UHRF1: variants seen among roughly 807,000 people sequenced by gnomAD.
UHRF1 encodes ubiquitin like with PHD and ring finger domains 1.
In UHRF1, 9 loss-of-function variants were observed where a neutral mutation model predicts 96.5. The observed-to-expected ratio is 0.09, with a 90% CI of 0.06 to 0.16. The LOEUF (loss-of-function observed/expected upper bound fraction) is 0.16. Ranked by LOEUF, UHRF1 falls within the 10% of genes least tolerant of loss-of-function variation. The pLI, the probability that UHRF1 is intolerant of heterozygous loss-of-function variation, is 1.00. For missense variants in UHRF1, 626 were observed against 1,131.1 expected, an observed-to-expected ratio of 0.55 and a Z score of 6.40; for synonymous variants, 455 against 469.9, an observed-to-expected ratio of 0.97 and a Z score of 0.41.
chr19:4,935,784 CTT>C (rs1401765809), intron 5 of UHRF1, among the ~76,000 whole-genome samples: 1 of 152,112 alleles, frequency 6.6e-6, no homozygotes, highest in Non-Finnish European at 1.5e-5. Context: ...CCTGTCCATA[CTT>C]TTATGGGGAG....
chr19:4,924,453 T>G (rs262574), intron 2 of UHRF1, among the ~76,000 whole-genome samples: 2 of 152,164 alleles, frequency 1.3e-5, no homozygotes, highest in African/African-American at 4.8e-5. Context: ...CCGGCCAATT[T>G]TTGTATTTTT....
intron 5 of UHRF1, among the ~76,000 whole-genome samples, chr19:4,940,815 G>A (rs879639436): frequency 2.0e-5 from 3 of 149,644 alleles, no homozygotes; most frequent in South Asian, 4.3e-4. Context: ...TGGGATTACA[G>A]GTGCGCGCTA....
chr19:4,921,368 G>A (rs903706454), intron 2 of UHRF1, among the ~76,000 whole-genome samples: 5 of 152,122 alleles, frequency 3.3e-5, no homozygotes, highest in Non-Finnish European at 5.9e-5. Flanking sequence ...GAACCTGGGA[G>A]GCGGAGGTTG....
At chr19:4,943,497 C>CG (rs2033470190) in intron 7 of UHRF1, among the ~76,000 whole-genome samples, 2 of 138,568 alleles carry the variant, frequency 1.4e-5, no homozygotes, top group Non-Finnish European at 3.1e-5. Flanking sequence ...GTTGCCCTGC[C>CG]CCCCCTCCCC....
intron 6 of UHRF1, 26 bp downstream of exon 6, chr19:4,941,654 A>G (rs1442471988): frequency 1.9e-6 from 3 of 1,604,780 alleles, no homozygotes; most frequent in African/African-American, 1.3e-5. Flanking sequence ...GCCTTTCCCC[A>G]TCTTCCGCGG....
intron 2 of UHRF1, among the ~76,000 whole-genome samples, chr19:4,927,347 C>T (rs1214041437): frequency 1.4e-5 from 2 of 145,962 alleles, no homozygotes; most frequent in African/African-American, 2.6e-5. Flanking sequence ...CACCCCTACA[C>T]TCCACCCTGG....
chr19:4,925,770 C>G (rs530409971), intron 2 of UHRF1, among the ~76,000 whole-genome samples: 1 of 152,160 alleles, frequency 6.6e-6, no homozygotes, highest in African/African-American at 2.4e-5. Flanking sequence ...GATCTGCCCT[C>G]GTTGGCCTCC....
intron 7 of UHRF1, 82 bp from the exon 8 acceptor site, chr19:4,944,050 C>T: frequency 1.3e-6 from 2 of 1,574,148 alleles, no homozygotes; most frequent in Non-Finnish European, 1.7e-6. Context: ...AGAGCCATGT[C>T]CGTGGTGTGT....
intron 16 of UHRF1, 68 bp downstream of exon 16, chr19:4,956,881 C>A: frequency 9.2e-7 from 1 of 1,090,550 alleles, no homozygotes; most frequent in Non-Finnish European, 1.4e-6. Flanking sequence ...CCCGTTCCCA[C>A]ATGCCTGCCA....
chr19:4,959,036 G>T (rs1212542157), intron 16 of UHRF1, among the ~76,000 whole-genome samples: 1 of 151,426 alleles, frequency 6.6e-6, no homozygotes, highest in Non-Finnish European at 1.5e-5. Context: ...GGAGTGCAGT[G>T]GTGCCATCAT....
chr19:4,939,356 C>T (rs1036394272), intron 5 of UHRF1, among the ~76,000 whole-genome samples: 1 of 149,836 alleles, frequency 6.7e-6, no homozygotes, highest in African/African-American at 2.5e-5. Flanking sequence ...GCCACTATAC[C>T]CAGTCTTAGA....
In UHRF1 at chr19:4,944,184, C is replaced by T; in HGVS notation, c.1126C>T (p.Arg376Trp). ...CAGCGAGGTGGTACTGGCGGGAGAG[C>T]GGCTGAGAGAGAGCAAGAAGAAGGC... is the stretch of plus-strand genomic sequence containing the variant. The part of the protein sequence containing the change: ...DASEVVLAGE[R>W]LRESKKKAKM... The change falls in exon 8 of 17, where the codon CGG (arginine) becomes TGG (tryptophan). Residue 376 changes from arginine to tryptophan, a missense_variant. Physicochemically the swap from Arg to Trp is moderately radical, Grantham distance 101. Coordinates refer to ENST00000650932, the MANE Select transcript of UHRF1 (RefSeq NM_001048201.3). 1.9e-6 allele frequency: 3 copies of T among 1,613,230 alleles called. No individual in the cohort carries two copies. The highest frequency in any genetic ancestry group is 2.5e-6 in the Non-Finnish European group (3 of 1,179,586).
intron 10 of UHRF1, 37 bp from the exon 11 acceptor site, chr19:4,947,063 TGCCTC>T: frequency 2.1e-6 from 3 of 1,437,346 alleles, no homozygotes; most frequent in Non-Finnish European, 2.9e-6. Flanking sequence ...TTTTTTTTTT[TGCCTC>T]TGCAGAGGGT....
chr19:4,933,624 G>T (rs1224145305), intron 5 of UHRF1, among the ~76,000 whole-genome samples: 1 of 152,156 alleles, frequency 6.6e-6, no homozygotes, highest in Non-Finnish European at 1.5e-5. Context: ...TCCCTCCTCT[G>T]CCTGGTCACC....
intron 5 of UHRF1, among the ~76,000 whole-genome samples, chr19:4,937,559 TCTCC>T (rs879361622): frequency 4.6e-5 from 7 of 152,100 alleles, no homozygotes; most frequent in Non-Finnish European, 1.0e-4. Flanking sequence ...AGGTGGGGTT[TCTCC>T]ATGTTGGCCA....
intron 15 of UHRF1, among the ~76,000 whole-genome samples, chr19:4,956,080 A>C (rs888569291): frequency 1.8e-4 from 27 of 152,032 alleles, no homozygotes; most frequent in African/African-American, 4.8e-4. Flanking sequence ...GATTACAGGC[A>C]CCCACCACGC....
At chr19:4,905,277 C>T (rs201780541), upstream of UHRF1, among the ~76,000 whole-genome samples, 43 of 149,118 alleles carry the variant, frequency 2.9e-4, no homozygotes, top group East Asian at 7.0e-3. Flanking sequence ...CCACCATGCC[C>T]GGCTAATTTT....
intron 11 of UHRF1, among the ~76,000 whole-genome samples, chr19:4,949,662 T>G (rs2033665161): frequency 1.3e-5 from 2 of 151,934 alleles, no homozygotes; most frequent in Non-Finnish European, 2.9e-5. Context: ...TATGAAAAAT[T>G]AAAATTACAA....
At chr19:4,959,115 G>A (rs920730465) in intron 16 of UHRF1, among the ~76,000 whole-genome samples, 4 of 151,950 alleles carry the variant, frequency 2.6e-5, no homozygotes, top group African/African-American at 9.6e-5. Context: ...CTGAGTAGCT[G>A]GGGCTACAGG....
Sources: gnomAD v4.1 joint callset for allele counts (sites outside exome capture counted in the v4.1 genomes callset) on GRCh38, gnomAD v4.1.1 for gene constraint, MANE v1.5 for transcripts, NCBI Gene and HGNC (gene_info 2026-07-23, HGNC 2026-07-21) for gene names.